Variants in LAMA4 observed in about 807,000 individuals in gnomAD.
LAMA4 encodes laminin subunit alpha-4.
Under a neutral mutation model 207.1 loss-of-function variants are expected in LAMA4, and 127 were observed. The ratio of observed to expected loss-of-function variants is 0.61; its 90% CI spans 0.53 to 0.71. The LOEUF (loss-of-function observed/expected upper bound fraction) is 0.71. Ranked by LOEUF, LAMA4 falls within the 30% of genes least tolerant of loss-of-function variation. The pLI is 0.00. For missense variants in LAMA4, 2,093 were observed against 2,246.5 expected, an observed-to-expected ratio of 0.93 and a Z score of 1.38; for synonymous variants, 761 against 816.0, an observed-to-expected ratio of 0.93 and a Z score of 1.15.
intron 3 of LAMA4, among the ~76,000 whole-genome samples, chr6:112,216,038 G>A (rs1340890266): frequency 6.6e-6 from 1 of 152,148 alleles, no homozygotes; most frequent in South Asian, 2.1e-4. Context: ...CAAACTATAC[G>A]ATTACAGAGG....
At chr6:112,129,699 G>A (rs1420863676) in intron 30 of LAMA4, among the ~76,000 whole-genome samples, 177 bp downstream of exon 30, 1 of 152,030 alleles carries the variant, frequency 6.6e-6, no homozygotes, top group African/African-American at 2.4e-5. Flanking sequence ...GGAAATTAAA[G>A]GGCAAAGAAC....
chr6:112,161,878 G>T (rs182336378), intron 13 of LAMA4, among the ~76,000 whole-genome samples: 1 of 152,154 alleles, frequency 6.6e-6, no homozygotes, highest in South Asian at 2.1e-4. Context: ...AGTGCAGTGA[G>T]TGAGAAAAGA....
At chr6:112,212,526 T>C (rs781996861) in intron 3 of LAMA4, among the ~76,000 whole-genome samples, 121 of 152,172 alleles carry the variant, frequency 8.0e-4, no homozygotes, top group Non-Finnish European at 1.4e-3. Flanking sequence ...GCCCGGCCAG[T>C]TTCTGTCATA....
In LAMA4 at chr6:112,118,876, A is replaced by G. The variant is rs781900902; in HGVS notation, c.4821+280T>C. 1.6e-4 allele frequency among the ~76,000 whole-genome samples: 25 copies of G among 152,148 alleles called. No homozygotes were observed. Among genetic ancestry groups the G allele is most frequent in the Non-Finnish European group, 2.6e-4 (18 of 68,024 alleles). ...AAAAGTATGGGTACTTCCTGAACAA[A>G]TAAGATCTCCTTGAGACATAAATTT... On this transcript the variant is annotated intron_variant, in intron 34 of 38. Coordinates refer to ENST00000230538, the MANE Select transcript of LAMA4 (RefSeq NM_001105206.3). This position sits in a 1 kb window ranked among gnomAD's most constrained non-coding sequence, Gnocchi z 4.6.
chr6:112,136,853 G>A (rs782355678), intron 24 of LAMA4, among the ~76,000 whole-genome samples: 7 of 152,062 alleles, frequency 4.6e-5, no homozygotes, highest in Non-Finnish European at 7.4e-5. Context: ...TGCCTTTTAA[G>A]AAAATCTTGA....
Position 112,191,694 on chromosome 6 carries a change from C to A in LAMA4, c.660G>T (p.Lys220Asn), listed in dbSNP as rs1783130186. The change falls in exon 6 of 39, where the codon AAG becomes AAT. Residue 220 changes from lysine (K) to asparagine (N), a missense_variant. Coordinates refer to ENST00000230538, the MANE Select transcript of LAMA4 (RefSeq NM_001105206.3). ...AGTAGCCAGGAGCGCAACGTTCACA[C>A]TTGAATCCGGTGGTGTTGCGTAAGC... ...RNCLRNTTGF[K>N]CERCAPGYYG... The A allele has an allele frequency of 3.1e-6, 5 of 1,614,136 alleles. No homozygotes were observed. Among genetic ancestry groups the A allele is most frequent in the Non-Finnish European group, 4.2e-6 (5 of 1,180,004 alleles).
chr6:112,126,217 A>T (rs1778678498), intron 31 of LAMA4, among the ~76,000 whole-genome samples: 1 of 152,174 alleles, frequency 6.6e-6, no homozygotes, highest in African/African-American at 2.4e-5. Context: ...GTGTTTATTT[A>T]AAGGGGTAAC....
intron 9 of LAMA4, among the ~76,000 whole-genome samples, chr6:112,182,087 ACT>A (rs1782397051): frequency 2.7e-5 from 4 of 148,540 alleles, no homozygotes; most frequent in African/African-American, 9.9e-5. Context: ...ACAGAGCGAG[ACT>A]CTGTCTGAAA....
chr6:112,204,830 T>G (rs74760631), intron 4 of LAMA4, among the ~76,000 whole-genome samples: 8,346 of 152,238 alleles, frequency 0.055, 717 homozygotes, highest in African/African-American at 0.19. Context: ...AATACTATCA[T>G]ACATGAAAAA....
In LAMA4 at chr6:112,188,507, C is replaced by A. The variant is rs564994637; in HGVS notation, c.814+603G>T. 1.4e-3 allele frequency among the ~76,000 whole-genome samples: 208 copies of A among 152,262 alleles called. 1 individual carries two copies. Among genetic ancestry groups the A allele is most frequent in the Middle Eastern group, 0.01 (3 of 294 alleles). On this transcript the variant is annotated intron_variant, in intron 7 of 38. Transcript: ENST00000230538. Reference sequence around the variant, plus strand: ...CGTCTGCTCCGAGGGACTGAGAGACCAAGATACATCTGTTTGGGGGAGGGG... The same window carrying A: ...CGTCTGCTCCGAGGGACTGAGAGACAAAGATACATCTGTTTGGGGGAGGGG...
intron 37 of LAMA4, 61 bp downstream of exon 37, chr6:112,114,602 C>T: frequency 1.8e-6 from 2 of 1,097,602 alleles, no homozygotes; most frequent in South Asian, 1.2e-5. Context: ...AGCCTAAGTT[C>T]TGCCAGATCA....
intron 31 of LAMA4, among the ~76,000 whole-genome samples, chr6:112,125,045 G>C (rs971376781): frequency 1.3e-5 from 2 of 152,128 alleles, no homozygotes; most frequent in Non-Finnish European, 2.9e-5. Context: ...GTGAGCCACC[G>C]CACCTGGCCA....
chr6:112,199,604 C>CA (rs1309064438), intron 5 of LAMA4, among the ~76,000 whole-genome samples: 1 of 152,078 alleles, frequency 6.6e-6, no homozygotes, highest in Non-Finnish European at 1.5e-5. Context: ...AGATGAAATT[C>CA]ATGTGGACCC....
intron 32 of LAMA4, among the ~76,000 whole-genome samples, chr6:112,121,051 G>A (rs1241263849): frequency 6.6e-6 from 1 of 152,008 alleles, no homozygotes; most frequent in Non-Finnish European, 1.5e-5. Context: ...TCCAGCCTGG[G>A]TGACAGAGCA....
chr6:112,247,675 T>C (rs1196147701), intron 2 of LAMA4, among the ~76,000 whole-genome samples: 2 of 152,204 alleles, frequency 1.3e-5, no homozygotes. Context: ...ACCTGGCCCC[T>C]ATAAGACTCC....
intron 5 of LAMA4, 126 bp downstream of exon 5, chr6:112,201,482 T>C (rs1783742368): frequency 5.9e-6 from 5 of 844,444 alleles, no homozygotes; most frequent in Middle Eastern, 2.2e-4. Context: ...TGAAATGCAG[T>C]CCCTCAACCA....
At chr6:112,155,002 T>G in intron 15 of LAMA4, 55 bp from the exon 16 acceptor site, 4 of 1,170,644 alleles carry the variant, frequency 3.4e-6, no homozygotes, top group Non-Finnish European at 5.1e-6. Flanking sequence ...AATCAGCTAT[T>G]CATAGTTGAA....
At chr6:112,224,514 C>A (rs546468917) in intron 2 of LAMA4, among the ~76,000 whole-genome samples, 1 of 152,132 alleles carries the variant, frequency 6.6e-6, no homozygotes, top group Non-Finnish European at 1.5e-5. Flanking sequence ...GATGGAATTC[C>A]AGTACTTAAC....
chr6:112,207,198 A>G, intron 3 of LAMA4, 53 bp from the exon 4 acceptor site: 1 of 1,600,068 alleles, frequency 6.2e-7, no homozygotes, highest in South Asian at 1.1e-5. Flanking sequence ...AATTTTAGAG[A>G]CAGCACATCT....
Sources: gnomAD v4.1 joint callset for allele counts (sites outside exome capture counted in the v4.1 genomes callset) on GRCh38, gnomAD v4.1.1 for gene constraint, Gnocchi (gnomAD v3.1) non-coding constraint, MANE v1.5 for transcripts, NCBI Gene and HGNC (gene_info 2026-07-23, HGNC 2026-07-21) for gene names.